CREBBP: variants seen among roughly 807,000 people sequenced by gnomAD.
CREBBP encodes the protein CREB binding lysine acetyltransferase, also known as CREB-binding protein.
A neutral mutation model predicts 265.0 loss-of-function variants in CREBBP; 19 were observed. That is an observed-to-expected ratio of 0.07 (90% CI 0.05 to 0.11). The LOEUF (loss-of-function observed/expected upper bound fraction) is 0.11. Ranked by LOEUF, CREBBP falls within the 10% of genes least tolerant of loss-of-function variation. The pLI is 1.00. For missense variants in CREBBP, 2,525 were observed against 3,219.0 expected (o/e 0.78, Z 5.22); for synonymous variants, 1,457 against 1,223.7 (o/e 1.19, Z -3.98).
intron 2 of CREBBP, among the ~76,000 whole-genome samples, chr16:3,844,850 A>T (rs2054633460): frequency 6.6e-6 from 1 of 152,138 alleles, no homozygotes; most frequent in South Asian, 2.1e-4. Flanking sequence ...AGCAACAAAA[A>T]CCACGTAATA....
At chr16:3,789,921 A>T (rs2053468274) in intron 5 of CREBBP, among the ~76,000 whole-genome samples, 2 of 152,116 alleles carry the variant, frequency 1.3e-5, no homozygotes, top group Non-Finnish European at 1.5e-5. Flanking sequence ...TTTTCTTTTA[A>T]AACAAAAACC....
intron 25 of CREBBP, 190 bp downstream of exon 25, chr16:3,739,388 G>C: frequency 1.5e-6 from 1 of 673,972 alleles, no homozygotes; most frequent in Middle Eastern, 4.2e-4. Flanking sequence ...GCTCACTGCA[G>C]TCATCTCAAC....
rs2151319716 is a variant in CREBBP at position 3,731,921 on chromosome 16, C to A, written c.4745G>T (p.Ser1582Ile). The stretch of plus-strand genomic sequence containing the variant: ...GTTGTTCTTCTTCTTGGCATTCTTG[C>A]TGTCGCCCTGACTGCCCTGCAACAA... ...SETTEGSQGD[S>I]KNAKKKNNKK... Residue 1582 changes from serine to isoleucine, a missense_variant, in exon 29 of 31, where the codon AGC (serine) becomes ATC (isoleucine). By Grantham distance (142) the Ser-to-Ile change is moderately radical. Around this residue, in one of 19 missense-constraint regions of CREBBP, gnomAD observed 93 missense variants for 161.5 expected, o/e 0.58. Coordinates refer to ENST00000262367, the MANE Select transcript of CREBBP (RefSeq NM_004380.3). The surrounding 1 kb of genome is among the most constrained non-coding windows in gnomAD (Gnocchi z 7.7). 6.2e-7 allele frequency: 1 copy of A among 1,614,272 alleles called. No individual in the cohort carries two copies. Among genetic ancestry groups the A allele is most frequent in the Non-Finnish European group, 8.5e-7 (1 of 1,180,058 alleles).
chr16:3,842,967 C>CAA (rs59990532), intron 2 of CREBBP, among the ~76,000 whole-genome samples: 21 of 65,214 alleles, frequency 3.2e-4, no homozygotes, highest in African/African-American at 1.2e-3. Context: ...ACTCCCATCT[C>CAA]AAAAAAAAAA....
At chr16:3,755,817 G>A (rs779140321) in intron 19 of CREBBP, among the ~76,000 whole-genome samples, 1 of 152,140 alleles carries the variant, frequency 6.6e-6, no homozygotes, top group African/African-American at 2.4e-5. Flanking sequence ...AATTGCACAC[G>A]CTGCACTTCT....
Position 3,731,157 on chromosome 16 carries a change from C to A in CREBBP, c.5172+35G>T, listed in dbSNP as rs770489187. ...ACAGGATGCTTCGTCAGACCCCAGG[C>A]CGGCTGTGGGGGTGGGGGTGGGGGC... is the stretch of plus-strand genomic sequence containing the variant. On this transcript the variant is annotated intron_variant, in intron 30 of 30. Coordinates refer to ENST00000262367, the MANE Select transcript of CREBBP (RefSeq NM_004380.3). This position sits in a 1 kb window ranked among gnomAD's most constrained non-coding sequence, Gnocchi z 7.7. 23 of 1,599,212 alleles carry A rather than the reference C, an allele frequency of 1.4e-5. No individual in the cohort carries two copies. Among genetic ancestry groups the A allele is most frequent in the Admixed American group, 3.3e-5 (2 of 59,770 alleles).
At chr16:3,782,968 G>A (rs749437240) in intron 5 of CREBBP, 42 bp from the exon 6 acceptor site, 2 of 1,613,714 alleles carry the variant, frequency 1.2e-6, no homozygotes, top group Non-Finnish European at 1.7e-6. Flanking sequence ...CGAGAGGTAA[G>A]TAAAAGGGAG....
At chr16:3,840,331 C>T (rs1425058400) in intron 2 of CREBBP, among the ~76,000 whole-genome samples, 1 of 152,148 alleles carries the variant, frequency 6.6e-6, no homozygotes, top group Non-Finnish European at 1.5e-5. Context: ...AGACGGCAGT[C>T]GGCTTGAGTT....
At chr16:3,739,850 C>G in intron 24 of CREBBP, 126 bp from the exon 25 acceptor site, 3 of 1,373,008 alleles carry the variant, frequency 2.2e-6, no homozygotes, top group Non-Finnish European at 3.1e-6. Context: ...CTCCTCAGAC[C>G]GTGGCCTGGA....
At chr16:3,842,967 C>CAAAAAAAAAAAAAAAA (rs59990532) in intron 2 of CREBBP, among the ~76,000 whole-genome samples, 2 of 65,214 alleles carry the variant, frequency 3.1e-5, no homozygotes, top group African/African-American at 1.3e-4. Flanking sequence ...ACTCCCATCT[C>CAAAAAAAAAAAAAAAA]AAAAAAAAAA....
chr16:3,805,737 G>GACCAACAAAGA (rs2053816184), intron 3 of CREBBP, among the ~76,000 whole-genome samples: 1 of 152,180 alleles, frequency 6.6e-6, no homozygotes, highest in Non-Finnish European at 1.5e-5. Context: ...AACAAAGTAA[G>GACCAACAAAGA]TCCACTCCAC....
At chr16:3,801,702 T>C (rs1394274647) in intron 3 of CREBBP, among the ~76,000 whole-genome samples, 1 of 152,134 alleles carries the variant, frequency 6.6e-6, no homozygotes, top group East Asian at 1.9e-4. Flanking sequence ...TAACAGTCCC[T>C]AGCCTTGGGA....
chr16:3,852,209 G>A (rs2054866779), intron 1 of CREBBP, among the ~76,000 whole-genome samples: 1 of 113,406 alleles, frequency 8.8e-6, no homozygotes, highest in Non-Finnish European at 1.7e-5. Context: ...CTGCGGCCCA[G>A]GCTGGATGGA....
At chr16:3,821,929 G>A (rs938298835) in intron 2 of CREBBP, among the ~76,000 whole-genome samples, 3 of 152,082 alleles carry the variant, frequency 2.0e-5, no homozygotes, top group Non-Finnish European at 4.4e-5. Context: ...ACAGGTTTAG[G>A]CAGGAGAATC....
At chr16:3,794,873 G>C (rs1046524301) in intron 3 of CREBBP, among the ~76,000 whole-genome samples, 2 of 152,116 alleles carry the variant, frequency 1.3e-5, no homozygotes, top group African/African-American at 4.8e-5. Flanking sequence ...CTAGTACTCT[G>C]ATATTTCCAG....
At chr16:3,737,870 C>T (rs1286728793) in intron 26 of CREBBP, among the ~76,000 whole-genome samples, 3 of 151,818 alleles carry the variant, frequency 2.0e-5, no homozygotes, top group South Asian at 4.2e-4. Context: ...CACTGCAACC[C>T]CCCGCCTCCT....
chr16:3,771,222 C>A (rs1382865097), intron 13 of CREBBP, among the ~76,000 whole-genome samples: 1 of 152,080 alleles, frequency 6.6e-6, no homozygotes, highest in Non-Finnish European at 1.5e-5. Flanking sequence ...GTGCCCGTCA[C>A]CACGCCCAGC....
rs144898561 is a variant in CREBBP, at chr16:3,760,278, G to T, written c.3251-1306C>A. Among the ~76,000 whole-genome samples the T allele has an allele frequency of 2.7e-3, 413 of 151,306 alleles. 1 individual carries two copies. Among genetic ancestry groups the T allele is most frequent in the Non-Finnish European group, 4.8e-3 (323 of 67,906 alleles). On this transcript the variant is annotated intron_variant, in intron 16 of 30. Coordinates refer to ENST00000262367, the MANE Select transcript of CREBBP (RefSeq NM_004380.3). ...GACTCATTTTTAAATTTTTTATGGA[G>T]ATGAGGTCTCACTATGTTGTCCAAG...
Position 3,793,478 on chromosome 16 carries a change from C to A in CREBBP, c.1124G>T (p.Gly375Val). Residue 375 changes from glycine to valine, a missense_variant, in exon 4 of 31, where the codon GGA becomes GTA. By Grantham distance (109) the Gly-to-Val change is moderately radical. Coordinates refer to ENST00000262367, the MANE Select transcript of CREBBP (RefSeq NM_004380.3). The part of the protein sequence containing the change: ...HKCQRREQAN[G>V]EVRACSLPHC... ...CGGGAGCGAGCAGGCCCGAACCTCTCCGTTTGCTTGCTCTCGTCTCTGACA... is the reference window on the plus strand; with the variant it reads ...CGGGAGCGAGCAGGCCCGAACCTCTACGTTTGCTTGCTCTCGTCTCTGACA... 3 of 1,614,130 alleles carry A rather than the reference C, an allele frequency of 1.9e-6. No individual in the cohort carries two copies. Among genetic ancestry groups the A allele is most frequent in the Non-Finnish European group, 2.5e-6 (3 of 1,180,038 alleles).
Sources: gnomAD v4.1 joint callset for allele counts (sites outside exome capture counted in the v4.1 genomes callset) on GRCh38, gnomAD v4.1.1 for gene constraint, gnomAD v4.1.1 regional missense constraint, Gnocchi (gnomAD v3.1) non-coding constraint, MANE v1.5 for transcripts, NCBI Gene and HGNC (gene_info 2026-07-23, HGNC 2026-07-21) for gene names.